SNTG2: variants seen among roughly 807,000 people sequenced by gnomAD.
SNTG2 encodes the protein gamma-2-syntrophin.
A neutral mutation model predicts 70.9 loss-of-function variants in SNTG2; 74 were observed. That is an observed-to-expected ratio of 1.04 (90% confidence interval 0.86 to 1.27). The LOEUF is 1.27. Ranked by LOEUF, SNTG2 falls within the 50% of genes most tolerant of loss-of-function variation. SNTG2 has a pLI of 0.00. For synonymous variants in SNTG2, 278 were observed against 273.8 expected, an observed-to-expected ratio of 1.02 and a Z score of -0.15; for missense variants, 717 against 690.7, an observed-to-expected ratio of 1.04 and a Z score of -0.43.
intron 11 of SNTG2, among the ~76,000 whole-genome samples, chr2:1,243,771 G>C (rs554746519): frequency 6.6e-6 from 1 of 152,334 alleles, no homozygotes; most frequent in South Asian, 2.1e-4. Context: ...ATGTGAACAC[G>C]TGATTTAAAA....
At chr2:1,236,899 C>T (rs1341427008) in intron 9 of SNTG2, among the ~76,000 whole-genome samples, 1 of 151,864 alleles carries the variant, frequency 6.6e-6, no homozygotes, top group African/African-American at 2.4e-5. Flanking sequence ...TGCTTGAGAC[C>T]ATGGAGGTAT....
At chr2:994,909 A>G (rs1661627790) in intron 1 of SNTG2, among the ~76,000 whole-genome samples, 1 of 150,676 alleles carries the variant, frequency 6.6e-6, no homozygotes, top group Non-Finnish European at 1.5e-5. Context: ...TTGCTTATTG[A>G]TCTCGTATCC....
intron 16 of SNTG2, among the ~76,000 whole-genome samples, chr2:1,352,166 C>A (rs1660613707): frequency 6.6e-6 from 1 of 152,238 alleles, no homozygotes; most frequent in Admixed American, 6.5e-5. Flanking sequence ...CCATGCCCAA[C>A]TGTAAAAATC....
intron 9 of SNTG2, among the ~76,000 whole-genome samples, chr2:1,213,408 C>CA (rs1349198653): frequency 6.6e-6 from 1 of 152,080 alleles, no homozygotes; most frequent in Non-Finnish European, 1.5e-5. Flanking sequence ...TTTTTGGTCA[C>CA]AAAATATCAC....
rs191391636 is a variant in SNTG2, at chr2:1,038,458, C to T, written c.73-45060C>T. Among the ~76,000 whole-genome samples, 49 of 152,234 alleles carry T rather than the reference C, an allele frequency of 3.2e-4. 1 individual carries two copies. The highest frequency in any genetic ancestry group is 3.4e-3 in the Middle Eastern group (1 of 294). On this transcript the variant is annotated intron_variant, in intron 1 of 16. Transcript: ENST00000308624. ...TTCTCAAAGTATTGTGTCATGGACC[C>T]GAGGAAGCTCCGCCTTCCTTGAAGT...
At chr2:985,741 A>G (rs1416031875) in intron 1 of SNTG2, among the ~76,000 whole-genome samples, 1 of 152,138 alleles carries the variant, frequency 6.6e-6, no homozygotes, top group Non-Finnish European at 1.5e-5. Context: ...GTCTGAGAGC[A>G]GTTTCACCTA....
At chr2:1,115,033 T>G (rs189950648) in intron 4 of SNTG2, among the ~76,000 whole-genome samples, 1 of 151,878 alleles carries the variant, frequency 6.6e-6, no homozygotes, top group East Asian at 2.0e-4. Flanking sequence ...CTAAGTGAGG[T>G]TTAACGCTTA....
At position 1,097,540 on chromosome 2, in the gene SNTG2, G is replaced by T; in HGVS notation, c.211-656G>T. Among the ~76,000 whole-genome samples, 1 of 152,266 alleles carries T rather than the reference G, an allele frequency of 6.6e-6. No individual in the cohort carries two copies. Among genetic ancestry groups the T allele is most frequent in the South Asian group, 2.1e-4 (1 of 4,826 alleles). ...TGTCTACCTGAAGTTGGCAACAGTC[G>T]CATTCATCAGATTAGACCACAGCAA... On this transcript the variant is annotated intron_variant, in intron 2 of 16. Transcript: ENST00000308624. This position sits in a 1 kb window ranked among gnomAD's most constrained non-coding sequence, Gnocchi z 4.1.
intron 9 of SNTG2, among the ~76,000 whole-genome samples, chr2:1,228,350 G>A (rs1442490949): frequency 1.3e-5 from 2 of 152,232 alleles, no homozygotes; most frequent in Non-Finnish European, 2.9e-5. Context: ...GTTTCTGGCT[G>A]TGGTTCCCTG....
intron 1 of SNTG2, among the ~76,000 whole-genome samples, chr2:991,386 C>T (rs1467771754): frequency 6.6e-6 from 1 of 151,648 alleles, no homozygotes; most frequent in Admixed American, 6.6e-5. Flanking sequence ...CACACACACA[C>T]ACACACACAC....
At chr2:1,191,110 G>A (rs535366296) in intron 8 of SNTG2, among the ~76,000 whole-genome samples, 2 of 152,262 alleles carry the variant, frequency 1.3e-5, no homozygotes, top group East Asian at 3.9e-4. Flanking sequence ...GGGCTTCAGG[G>A]CCCCTTAATT....
chr2:1,075,982 G>GAC (rs547320743), intron 1 of SNTG2, among the ~76,000 whole-genome samples: 182 of 152,314 alleles, frequency 1.2e-3, no homozygotes, highest in African/African-American at 4.2e-3. Flanking sequence ...AGAGCGGTGA[G>GAC]GCAGATTGCA....
At chr2:1,251,575 C>G (rs1677767248) in intron 12 of SNTG2, among the ~76,000 whole-genome samples, 2 of 147,776 alleles carry the variant, frequency 1.4e-5, no homozygotes, top group East Asian at 4.1e-4. Context: ...ACACACACCT[C>G]CCACAGGCAC....
intron 13 of SNTG2, 99 bp from the exon 14 acceptor site, chr2:1,267,266 C>T (rs964881005): frequency 6.9e-6 from 8 of 1,153,032 alleles, no homozygotes; most frequent in Non-Finnish European, 1.0e-5. Flanking sequence ...AGACCGTTTC[C>T]CAGATCACGC....
At chr2:1,273,786 C>T (rs1441013586) in intron 14 of SNTG2, among the ~76,000 whole-genome samples, 1 of 151,520 alleles carries the variant, frequency 6.6e-6, no homozygotes, top group African/African-American at 2.4e-5. Context: ...GAAGCACAAA[C>T]CATGAAAAAA....
Position 1,293,157 on chromosome 2 carries a change from CTT to C in SNTG2, c.1285-15320_1285-15319del, listed in dbSNP as rs71400092. On this transcript the variant is annotated intron_variant, in intron 14 of 16. Transcript: ENST00000308624. ...TAAAATTGTTTGTAGTACTCTGTTA[CTT>C]TTTTTTTTTTTTTTTTACTTTTGTT... 4.6e-3 allele frequency among the ~76,000 whole-genome samples: 602 copies of C among 130,942 alleles called. 5 individuals are homozygous for C. The highest frequency in any genetic ancestry group is 0.015 in the African/African-American group (549 of 35,798). The allele number at this position is 130,942 out of a possible 152,430, so 85.9% of individuals were successfully genotyped here. A position where few individuals can be genotyped will look rare whatever the true frequency, so the allele number is the denominator to read the frequency against.
chr2:1,165,467 G>C, intron 6 of SNTG2, 81 bp from the exon 7 acceptor site: 1 of 1,269,846 alleles, frequency 7.9e-7, no homozygotes, highest in Non-Finnish European at 1.1e-6. Context: ...GGAAACAGGA[G>C]AGGTAGAGAG....
chr2:1,065,146 C>T (rs1663068720), intron 1 of SNTG2, among the ~76,000 whole-genome samples: 1 of 152,052 alleles, frequency 6.6e-6, no homozygotes, highest in Non-Finnish European at 1.5e-5. Context: ...GGTGTCAGTC[C>T]AGTATGAGCT....
At chr2:1,228,683 C>T (rs549646659) in intron 9 of SNTG2, among the ~76,000 whole-genome samples, 1 of 152,324 alleles carries the variant, frequency 6.6e-6, no homozygotes, top group South Asian at 2.1e-4. Flanking sequence ...GTGCAGCCTC[C>T]ACCCATGTTC....
Sources: allele counts gnomAD v4.1 joint callset (sites outside exome capture counted in the v4.1 genomes callset), GRCh38; gene constraint gnomAD v4.1.1; non-coding constraint Gnocchi (gnomAD v3.1); transcripts MANE v1.5; gene names NCBI Gene and HGNC (gene_info 2026-07-23, HGNC 2026-07-21).